PRKAG2: variants seen among roughly 807,000 people sequenced by gnomAD.
PRKAG2 encodes protein kinase AMP-activated non-catalytic subunit gamma 2, also known as 5'-AMP-activated protein kinase subunit gamma-2.
A neutral mutation model predicts 69.6 loss-of-function variants in PRKAG2; 26 were observed. The observed-to-expected ratio is 0.37, with a 90% CI of 0.27 to 0.52. The LOEUF is 0.52. PRKAG2 is among the 20% of genes least tolerant of loss of function. The pLI is 0.90. For missense variants in PRKAG2, 557 were observed against 740.0 expected, an observed-to-expected ratio of 0.75 and a Z score of 2.87; for synonymous variants, 293 against 285.0, an observed-to-expected ratio of 1.03 and a Z score of -0.28.
chr7:151,830,618 C>T (rs1255805390), intron 1 of PRKAG2, among the ~76,000 whole-genome samples: 1 of 151,904 alleles, frequency 6.6e-6, no homozygotes, highest in African/African-American at 2.4e-5. Context: ...CTCCCCGGCC[C>T]TCCCGCGATG....
chr7:151,762,846 CCACAG>C (rs2075498175), intron 3 of PRKAG2, among the ~76,000 whole-genome samples: 1 of 152,154 alleles, frequency 6.6e-6, no homozygotes, highest in Non-Finnish European at 1.5e-5. Flanking sequence ...AGACACATGC[CCACAG>C]CGCGGCTCCC....
In PRKAG2 at chr7:151,836,412, C is replaced by G. The variant is rs1285353760; in HGVS notation, c.114+40095G>C. ...AGCTGGTCCAGGCAGCTTCCCTGATCACCGCAGTGACGCTCCTGCTCAAGC... is the reference window on the plus strand; with the variant it reads ...AGCTGGTCCAGGCAGCTTCCCTGATGACCGCAGTGACGCTCCTGCTCAAGC... On this transcript the variant is annotated intron_variant, in intron 1 of 15. Transcript: ENST00000287878. This position sits in a 1 kb window ranked among gnomAD's most constrained non-coding sequence, Gnocchi z 4.1. 1.3e-5 allele frequency among the ~76,000 whole-genome samples: 2 copies of G among 152,238 alleles called. No individual in the cohort carries two copies. Among genetic ancestry groups the G allele is most frequent in the Non-Finnish European group, 2.9e-5 (2 of 68,042 alleles).
intron 3 of PRKAG2, among the ~76,000 whole-genome samples, chr7:151,765,350 A>G (rs1248158363): frequency 6.6e-6 from 1 of 152,208 alleles, no homozygotes; most frequent in Non-Finnish European, 1.5e-5. Flanking sequence ...GAACTCATTC[A>G]CTATCGCCAG....
intron 15 of PRKAG2, chr7:151,559,381 T>G: frequency 2.0e-6 from 2 of 985,446 alleles, no homozygotes; most frequent in Non-Finnish European, 2.4e-6. Context: ...TATTGTGAGA[T>G]TCAGGTCTTT....
chr7:151,718,554 G>A (rs886572576), intron 3 of PRKAG2, among the ~76,000 whole-genome samples: 2 of 149,000 alleles, frequency 1.3e-5, no homozygotes, highest in African/African-American at 2.5e-5. Context: ...GGCTCCTCTC[G>A]GAAACCCACC....
At chr7:151,855,804 C>T (rs1009052795) in intron 1 of PRKAG2, among the ~76,000 whole-genome samples, 1 of 152,246 alleles carries the variant, frequency 6.6e-6, no homozygotes, top group African/African-American at 2.4e-5. Context: ...GCCACACCTG[C>T]TCCAGACCAT....
chr7:151,715,205 G>A (rs180740899), intron 3 of PRKAG2, among the ~76,000 whole-genome samples: 14 of 149,344 alleles, frequency 9.4e-5, no homozygotes, highest in East Asian at 6.1e-4. Flanking sequence ...TAGTAGAGAC[G>A]GGGTTTCGCC....
intron 1 of PRKAG2, among the ~76,000 whole-genome samples, chr7:151,833,794 T>C (rs1170070531): frequency 1.3e-5 from 2 of 152,270 alleles, no homozygotes; most frequent in Middle Eastern, 3.4e-3. Flanking sequence ...AAGTCCTTAA[T>C]GAGGAAAGGT....
At chr7:151,589,442 G>A (rs1220696972) in intron 6 of PRKAG2, among the ~76,000 whole-genome samples, 5 of 152,332 alleles carry the variant, frequency 3.3e-5, no homozygotes, top group Admixed American at 2.0e-4. Flanking sequence ...TGGGTCTGAT[G>A]AGCTGCGTTT....
intron 3 of PRKAG2, among the ~76,000 whole-genome samples, chr7:151,727,991 C>T (rs1798277507): frequency 1.3e-5 from 2 of 152,194 alleles, no homozygotes. Context: ...GACACTCCCC[C>T]AGCAGCCTGC....
At chr7:151,795,890 T>TATATATATAA (rs1491286413) in intron 1 of PRKAG2, among the ~76,000 whole-genome samples, 2 of 96,604 alleles carry the variant, frequency 2.1e-5, no homozygotes, top group African/African-American at 4.4e-5. Context: ...TATATATATA[T>TATATATATAA]CACGATAATA....
chr7:151,745,078 CAA>C (rs1397763195), intron 3 of PRKAG2, among the ~76,000 whole-genome samples: 1 of 152,134 alleles, frequency 6.6e-6, no homozygotes, highest in Non-Finnish European at 1.5e-5. Context: ...AGGGGGCCAT[CAA>C]GAGCCAGGCT....
At position 151,678,831 on chromosome 7, in the gene PRKAG2, C is replaced by T. The variant is rs920115008; in HGVS notation, c.467-3194G>A. Reference sequence around the variant, plus strand: ...AATATTAGCTAGGCGTAGTGGCGCGCGCCTGTAGTCCCAGCCACTCCAGAG... The same window carrying T: ...AATATTAGCTAGGCGTAGTGGCGCGTGCCTGTAGTCCCAGCCACTCCAGAG... On this transcript the variant is annotated intron_variant, in intron 3 of 15. Coordinates refer to ENST00000287878, the MANE Select transcript of PRKAG2 (RefSeq NM_016203.4). 1.1e-4 allele frequency among the ~76,000 whole-genome samples: 16 copies of T among 152,090 alleles called. No individual in the cohort carries two copies. The East Asian group carries it at 1.5e-3, about 15-fold the overall frequency.
At chr7:151,832,598 G>GGGT (rs978308469) in intron 1 of PRKAG2, among the ~76,000 whole-genome samples, 1 of 151,454 alleles carries the variant, frequency 6.6e-6, no homozygotes, top group African/African-American at 2.4e-5. Context: ...GCATCTCTGG[G>GGGT]GGGGGGGTCC....
chr7:151,779,493 G>A (rs2151800097), intron 3 of PRKAG2, among the ~76,000 whole-genome samples: 1 of 152,318 alleles, frequency 6.6e-6, no homozygotes, highest in Non-Finnish European at 1.5e-5. Context: ...TCCTGCCAGA[G>A]CTTCAAGACC....
At chr7:151,702,771 T>C (rs1837937593) in intron 3 of PRKAG2, among the ~76,000 whole-genome samples, 1 of 152,142 alleles carries the variant, frequency 6.6e-6, no homozygotes, top group Admixed American at 6.5e-5. Flanking sequence ...GCACAGCCCC[T>C]AGGATAGCAA....
intron 5 of PRKAG2, among the ~76,000 whole-genome samples, chr7:151,617,347 G>A (rs1357628171): frequency 2.0e-5 from 3 of 151,302 alleles, no homozygotes; most frequent in South Asian, 4.2e-4. Context: ...GCACCAAGGC[G>A]TCACTAGACC....
intron 15 of PRKAG2, chr7:151,557,560 T>C (rs2150959135): frequency 1.0e-6 from 1 of 985,292 alleles, no homozygotes. Context: ...TTGTGCACTC[T>C]TACAAATATG....
intron 3 of PRKAG2, among the ~76,000 whole-genome samples, chr7:151,758,262 C>T (rs748428138): frequency 3.3e-5 from 5 of 152,176 alleles, no homozygotes; most frequent in Non-Finnish European, 5.9e-5. Context: ...TTTCTTGCTC[C>T]GTGGGGGCCA....
Sources: gnomAD v4.1 joint callset for allele counts (sites outside exome capture counted in the v4.1 genomes callset) on GRCh38, gnomAD v4.1.1 for gene constraint, Gnocchi (gnomAD v3.1) non-coding constraint, MANE v1.5 for transcripts, NCBI Gene and HGNC (gene_info 2026-07-23, HGNC 2026-07-21) for gene names.